Variants in PARVB observed in about 807,000 individuals in gnomAD.
PARVB encodes parvin beta.
A neutral mutation model predicts 47.0 loss-of-function variants in PARVB; 46 were observed. That is an observed-to-expected ratio of 0.98 (90% CI 0.77 to 1.25). The LOEUF (loss-of-function observed/expected upper bound fraction) is 1.25, where lower values mean the gene tolerates loss of function less well. PARVB is among the 50% of genes most tolerant of loss of function. The pLI is 0.00. For synonymous variants in PARVB, 196 were observed against 196.3 expected (o/e 1.00, Z 0.01); for missense variants, 473 against 471.6 (o/e 1.00, Z -0.03).
At chr22:44,146,243 C>T (rs113728836) in intron 8 of PARVB, 2,250 of 148,696 alleles carry the variant, frequency 0.015, 18 homozygotes, top group Middle Eastern at 0.059. Flanking sequence ...CTCACACACG[C>T]GCTCACACGT....
rs2052508030 is a variant in PARVB, at chr22:44,103,853, C to T, written c.273+3730C>T. On this transcript the variant is annotated intron_variant, in intron 3 of 12. Coordinates refer to ENST00000338758, the MANE Select transcript of PARVB (RefSeq NM_013327.5). The surrounding 1 kb of genome is among the most constrained non-coding windows in gnomAD (Gnocchi z 4.6). ...GGAAAAGACAAAGAAATGGATTCTC[C>T]ACTAGAGAACCCAGAAGGAACCCTG... The T allele has an allele frequency of 1.3e-5, 2 of 152,222 alleles. No homozygotes were observed. Among genetic ancestry groups the T allele is most frequent in the Admixed American group, 1.3e-4 (2 of 15,280 alleles). The allele number at this position is 152,222 out of a possible 1,614,324, so 9.4% of individuals were successfully genotyped here. A position where few individuals can be genotyped will look rare whatever the true frequency, so the allele number is the denominator to read the frequency against.
At chr22:44,029,182 G>A (rs1395840684) in intron 1 of PARVB, among the ~76,000 whole-genome samples, 2 of 151,824 alleles carry the variant, frequency 1.3e-5, no homozygotes, top group Non-Finnish European at 2.9e-5. Flanking sequence ...ATGGGGTCTC[G>A]CTATGTTACC....
At chr22:44,137,351 C>G (rs1221576557) in intron 7 of PARVB, among the ~76,000 whole-genome samples, 1 of 152,222 alleles carries the variant, frequency 6.6e-6, no homozygotes, top group East Asian at 1.9e-4. Flanking sequence ...ACGAAGGGAA[C>G]AGGGAGAGCT....
intron 1 of PARVB, chr22:44,086,761 C>A (rs893775230): frequency 6.1e-5 from 60 of 985,308 alleles, no homozygotes; most frequent in Admixed American, 1.2e-4. Flanking sequence ...ACCTTCGTGC[C>A]TGATGAAGTT....
rs1555889962 is a variant in PARVB at position 43,999,846 on chromosome 22, A to AAAC, written c.211+175_211+176insCAA. Among the ~76,000 whole-genome samples the AAAC allele has an allele frequency of 5.2e-5, 5 of 95,812 alleles. No individual in the cohort carries two copies. In the East Asian group the frequency reaches 1.6e-3, roughly 31 times the overall value. 62.9% of individuals were successfully genotyped at this position (95,812 alleles called of 152,430 possible). ...AACCCATCTATATGAAAAAAAAAAA[A>AAAC]AAAAAAAAAAAACAGCTGGGTGTGG... is the stretch of plus-strand genomic sequence containing the variant. On this transcript the variant is annotated intron_variant, in intron 2 of 13. Transcript: ENST00000406477.
chr22:44,037,275 T>C (rs186401482), intron 1 of PARVB, among the ~76,000 whole-genome samples: 15 of 150,952 alleles, frequency 9.9e-5, no homozygotes, highest in African/African-American at 3.4e-4. Flanking sequence ...ATACAAAAAT[T>C]AGCCAGGCAT....
intron 9 of PARVB, 197 bp downstream of exon 9, chr22:44,148,119 C>T: frequency 1.7e-6 from 1 of 598,798 alleles, no homozygotes; most frequent in Non-Finnish European, 3.0e-6. Context: ...CCTCGCTGCT[C>T]CCTGGGTGTC....
intron 4 of PARVB, among the ~76,000 whole-genome samples, chr22:44,122,488 A>AGAGAG (rs2053069849): frequency 1.3e-5 from 1 of 76,620 alleles, no homozygotes; most frequent in Non-Finnish European, 2.5e-5. Flanking sequence ...CCTGTCGATC[A>AGAGAG]AGAGAGAGAG....
chr22:44,001,593 A>C (rs2050413829), intron 2 of PARVB, among the ~76,000 whole-genome samples: 2 of 152,244 alleles, frequency 1.3e-5, no homozygotes, highest in Admixed American at 1.3e-4. Context: ...TGTAAAAGTC[A>C]GTACATCGGA....
At chr22:44,027,914 CATATATATATATAT>C (rs3083338) in intron 1 of PARVB, among the ~76,000 whole-genome samples, 1 of 133,252 alleles carries the variant, frequency 7.5e-6, no homozygotes, top group Non-Finnish European at 1.6e-5. Context: ...AAAAAAAAAC[CATATATATATATAT>C]ATATATATAT....
Position 44,172,650 on chromosome 22 carries a change from T to C in PARVB, c.*3972T>C, listed in dbSNP as rs2054280027. Reference sequence around the variant, plus strand: ...TTGTCTTGGTGACAAAGAGCAATTTTATTTTAAAGCAACTGAATCCTTTCC... The same window carrying C: ...TTGTCTTGGTGACAAAGAGCAATTTCATTTTAAAGCAACTGAATCCTTTCC... On this transcript the variant is annotated 3_prime_UTR_variant, in exon 13 of 13. Transcript: ENST00000338758. 8.3e-6 allele frequency: 2 copies of C among 242,306 alleles called. No individual in the cohort carries two copies. Among genetic ancestry groups the C allele is most frequent in the African/African-American group, 4.7e-5 (2 of 42,282 alleles). 15.0% of individuals were successfully genotyped at this position (242,306 alleles called of 1,614,324 possible).
At chr22:44,025,077 G>A (rs572164081) in intron 1 of PARVB, among the ~76,000 whole-genome samples, 3 of 152,174 alleles carry the variant, frequency 2.0e-5, no homozygotes, top group African/African-American at 4.8e-5. Context: ...TAAGTGTACC[G>A]CTTGCCCAGG....
rs2053971907 is a variant in PARVB, at chr22:44,157,966, A to G, written c.844-16A>G. 6.3e-7 allele frequency: 1 copy of G among 1,592,948 alleles called. No individual in the cohort carries two copies. Among genetic ancestry groups the G allele is most frequent in the Admixed American group, 1.7e-5 (1 of 59,936 alleles). ...TCCTTACCCTGCCCGGAAACATCAC[A>G]AGTCTTTCTCTGCAGTTTGCAGATG... On this transcript the variant is annotated splice_polypyrimidine_tract_variant and intron_variant, in intron 10 of 12. Transcript: ENST00000338758.
chr22:44,115,978 C>T (rs1322585326), intron 3 of PARVB: 3 of 149,396 alleles, frequency 2.0e-5, no homozygotes, highest in Non-Finnish European at 4.4e-5. Flanking sequence ...TAAGTAAGGC[C>T]CTGCACCAAC....
intron 1 of PARVB, among the ~76,000 whole-genome samples, chr22:44,036,826 A>G (rs1245301705): frequency 6.6e-6 from 1 of 151,890 alleles, no homozygotes; most frequent in Non-Finnish European, 1.5e-5. Context: ...AAAAAAATCA[A>G]TCAGGCGTGG....
At chr22:44,154,529 TGGTG>T (rs1158194392) in intron 10 of PARVB, among the ~76,000 whole-genome samples, 102 of 121,802 alleles carry the variant, frequency 8.4e-4, no homozygotes, top group East Asian at 2.1e-3. Context: ...TTATGTAGTC[TGGTG>T]GGTGTGTGTG....
At chr22:44,093,788 C>G in intron 1 of PARVB, 140 bp from the exon 2 acceptor site, 1 of 602,132 alleles carries the variant, frequency 1.7e-6, no homozygotes, top group Non-Finnish European at 2.9e-6. Flanking sequence ...CTGACTCTTT[C>G]TGGGCAACAG....
chr22:44,001,757 G>A (rs1190481637), intron 2 of PARVB, among the ~76,000 whole-genome samples: 6 of 152,176 alleles, frequency 3.9e-5, no homozygotes, highest in African/African-American at 1.4e-4. Context: ...CCAAGGAAAT[G>A]TCTGCCAGAT....
rs139412394 is a variant in PARVB, at chr22:44,169,204, A to C, written c.*526A>C. 1,173 of 151,314 alleles carry C rather than the reference A, an allele frequency of 7.8e-3. 23 individuals are homozygous for C. Among genetic ancestry groups the C allele is most frequent in the Non-Finnish European group, 0.014 (943 of 68,818 alleles). 9.4% of individuals were successfully genotyped at this position (151,314 alleles called of 1,614,324 possible). A position where few individuals can be genotyped will look rare whatever the true frequency, so the allele number is the denominator to read the frequency against. On this transcript the variant is annotated 3_prime_UTR_variant, in exon 13 of 13. Coordinates refer to ENST00000338758, the MANE Select transcript of PARVB (RefSeq NM_013327.5). ...GAAGTGAGGCCTTTTATTAAAAATA[A>C]AAGGGTTTTGCAGTTTGAAAAACTT...
Sources: gnomAD v4.1 joint callset for allele counts (sites outside exome capture counted in the v4.1 genomes callset) on GRCh38, gnomAD v4.1.1 for gene constraint, Gnocchi (gnomAD v3.1) non-coding constraint, MANE v1.5 for transcripts, NCBI Gene and HGNC (gene_info 2026-07-23, HGNC 2026-07-21) for gene names.